The following LUZP2 variants were observed in gnomAD, a reference collection of about 807,000 sequenced individuals.
LUZP2 encodes leucine zipper protein 2.
A neutral mutation model predicts 51.6 loss-of-function variants in LUZP2; 52 were observed. The observed-to-expected ratio is 1.01, with a 90% CI of 0.81 to 1.27. LUZP2 has a LOEUF of 1.27. LUZP2 is among the 50% of genes most tolerant of loss of function. The pLI is 0.00. For missense variants in LUZP2, 436 were observed against 395.4 expected (o/e 1.10, Z -0.87); for synonymous variants, 154 against 137.3 (o/e 1.12, Z -0.85).
At chr11:24,536,224 A>T (rs1851173608) in intron 1 of LUZP2, among the ~76,000 whole-genome samples, 1 of 151,790 alleles carries the variant, frequency 6.6e-6, no homozygotes, top group African/African-American at 2.4e-5. Flanking sequence ...TGAAATGGTC[A>T]GTGAACACTG....
At chr11:24,957,837 C>A (rs1047397243) in intron 7 of LUZP2, among the ~76,000 whole-genome samples, 4 of 152,036 alleles carry the variant, frequency 2.6e-5, no homozygotes, top group African/African-American at 9.7e-5. Context: ...ATGTGCCATG[C>A]TGGTGCACTG....
chr11:24,697,979 G>A (rs986529227), intron 1 of LUZP2, among the ~76,000 whole-genome samples: 1 of 152,062 alleles, frequency 6.6e-6, no homozygotes, highest in African/African-American at 2.4e-5. Flanking sequence ...CCGTTCTGAT[G>A]TTCCTATGAT....
intron 1 of LUZP2, among the ~76,000 whole-genome samples, chr11:24,715,257 G>A (rs11028114): frequency 0.34 from 50,329 of 146,974 alleles, 9,099 homozygotes; most frequent in Non-Finnish European, 0.41. Context: ...AATTCAAGGA[G>A]CAACTATGTG....
chr11:24,773,557 A>G (rs1207528079), intron 5 of LUZP2, among the ~76,000 whole-genome samples: 1 of 152,068 alleles, frequency 6.6e-6, no homozygotes, highest in East Asian at 1.9e-4. Context: ...TGGGCTGTTC[A>G]AAAGAATGAG....
chr11:24,914,758 C>T (rs1463667245), intron 7 of LUZP2, among the ~76,000 whole-genome samples: 2 of 152,106 alleles, frequency 1.3e-5, no homozygotes, highest in African/African-American at 4.8e-5. Flanking sequence ...TGCCTCATTC[C>T]AGCAGGTTAG....
At chr11:24,816,361 G>A (rs1850183552) in intron 5 of LUZP2, among the ~76,000 whole-genome samples, 1 of 151,860 alleles carries the variant, frequency 6.6e-6, no homozygotes, top group African/African-American at 2.4e-5. Flanking sequence ...AGCAATGCAT[G>A]ATAAATTAGG....
At chr11:24,888,659 C>T (rs1852747780) in intron 5 of LUZP2, among the ~76,000 whole-genome samples, 1 of 152,112 alleles carries the variant, frequency 6.6e-6, no homozygotes, top group East Asian at 1.9e-4. Context: ...CTAACCAACA[C>T]CTGAACACCA....
intron 9 of LUZP2, among the ~76,000 whole-genome samples, chr11:25,040,226 C>T (rs917053677): frequency 6.6e-6 from 1 of 151,884 alleles, no homozygotes; most frequent in South Asian, 2.1e-4. Flanking sequence ...GTTTTATTTT[C>T]TCAAAGCAAT....
intron 5 of LUZP2, among the ~76,000 whole-genome samples, chr11:24,803,206 A>T (rs756631986): frequency 6.6e-6 from 1 of 152,104 alleles, no homozygotes; most frequent in Non-Finnish European, 1.5e-5. Context: ...TGGGCAAAAG[A>T]CATGAATTGA....
At chr11:24,689,796 C>G (rs1309600080) in intron 1 of LUZP2, among the ~76,000 whole-genome samples, 1 of 152,128 alleles carries the variant, frequency 6.6e-6, no homozygotes, top group Non-Finnish European at 1.5e-5. Flanking sequence ...ACTGTTCTTT[C>G]TTAAGCATTC....
chr11:24,671,457 G>T (rs1425604026), intron 1 of LUZP2, among the ~76,000 whole-genome samples: 3 of 151,938 alleles, frequency 2.0e-5, no homozygotes, highest in Non-Finnish European at 4.4e-5. Context: ...TAAAATAGTT[G>T]TTATTCAAAC....
intron 1 of LUZP2, among the ~76,000 whole-genome samples, chr11:24,627,342 A>G (rs1854717814): frequency 2.0e-5 from 3 of 152,192 alleles, no homozygotes; most frequent in Admixed American, 2.0e-4. Flanking sequence ...TTCAGCTATA[A>G]GAAGAAAGCT....
intron 10 of LUZP2, among the ~76,000 whole-genome samples, chr11:25,055,038 G>A (rs1328877884): frequency 1.6e-5 from 2 of 125,096 alleles, no homozygotes; most frequent in East Asian, 2.4e-4. Flanking sequence ...TCGAGGCGGA[G>A]TCTCGCTGTG....
intron 5 of LUZP2, among the ~76,000 whole-genome samples, chr11:24,838,967 G>C (rs2631479): frequency 0.16 from 23,669 of 151,322 alleles, 2,043 homozygotes; most frequent in African/African-American, 0.22. Flanking sequence ...ACCGTTGCTG[G>C]CACTAACTGT....
intron 1 of LUZP2, among the ~76,000 whole-genome samples, chr11:24,619,212 C>A (rs940110079): frequency 2.0e-5 from 3 of 151,854 alleles, no homozygotes; most frequent in African/African-American, 7.3e-5. Flanking sequence ...TTCTTTATTT[C>A]TTGTAGAGAC....
At chr11:24,801,102 A>G (rs1330667985) in intron 5 of LUZP2, among the ~76,000 whole-genome samples, 2 of 152,068 alleles carry the variant, frequency 1.3e-5, no homozygotes, top group Non-Finnish European at 2.9e-5. Context: ...TTTTAAAACA[A>G]TTTTCTCTAA....
chr11:24,811,786 G>A (rs1022396678), intron 5 of LUZP2, among the ~76,000 whole-genome samples: 7 of 152,068 alleles, frequency 4.6e-5, no homozygotes, highest in South Asian at 2.1e-4. Context: ...AAGGTATCAC[G>A]TCCTTCCTAG....
At chr11:24,721,468 T>C (rs1858267431) in intron 1 of LUZP2, among the ~76,000 whole-genome samples, 2 of 152,210 alleles carry the variant, frequency 1.3e-5, no homozygotes, top group South Asian at 4.1e-4. Context: ...TCAATTCTGT[T>C]GAGCACTGTA....
At chr11:24,898,190 A>C (rs1853146178) in intron 5 of LUZP2, among the ~76,000 whole-genome samples, 1 of 152,186 alleles carries the variant, frequency 6.6e-6, no homozygotes, top group Non-Finnish European at 1.5e-5. Flanking sequence ...GTAAGAACTT[A>C]CATAAATTGG....
Sources: gnomAD v4.1 joint callset for allele counts (sites outside exome capture counted in the v4.1 genomes callset) on GRCh38, gnomAD v4.1.1 for gene constraint, MANE v1.5 for transcripts, NCBI Gene and HGNC (gene_info 2026-07-23, HGNC 2026-07-21) for gene names.